The following UHRF2 variants were observed in gnomAD, a reference collection of about 807,000 sequenced individuals.
UHRF2 encodes the protein ubiquitin like with PHD and ring finger domains 2.
Under a neutral mutation model 96.8 loss-of-function variants are expected in UHRF2, and 23 were observed. That is an observed-to-expected ratio of 0.24 (90% CI 0.17 to 0.34). UHRF2 has a LOEUF of 0.34. UHRF2 is among the 10% of genes least tolerant of loss of function. The pLI is 1.00. For missense variants in UHRF2, 685 were observed against 981.5 expected (o/e 0.70, Z 4.04); for synonymous variants, 385 against 332.6 (o/e 1.16, Z -1.72).
At chr9:6,419,256 T>G (rs1396948608) in intron 1 of UHRF2, among the ~76,000 whole-genome samples, 3 of 152,212 alleles carry the variant, frequency 2.0e-5, no homozygotes, top group Non-Finnish European at 1.5e-5. Flanking sequence ...TAAAAGACTG[T>G]TTCCAAATAA....
At chr9:6,473,532 C>T (rs959614601) in intron 4 of UHRF2, among the ~76,000 whole-genome samples, 2 of 151,958 alleles carry the variant, frequency 1.3e-5, no homozygotes, top group Non-Finnish European at 2.9e-5. Context: ...TAGTAGCTGC[C>T]GTCAGGAGAG....
chr9:6,464,268 C>CT (rs890709525), intron 4 of UHRF2, among the ~76,000 whole-genome samples: 4 of 152,082 alleles, frequency 2.6e-5, no homozygotes, highest in African/African-American at 9.7e-5. Context: ...AATTTGGTGA[C>CT]TTTTTTTGTT....
intron 14 of UHRF2, 156 bp from the exon 15 acceptor site, chr9:6,504,437 C>A: frequency 1.9e-6 from 1 of 521,700 alleles, no homozygotes; most frequent in Non-Finnish European, 3.4e-6. Flanking sequence ...TATAATAAAT[C>A]AGGGTAATTG....
In UHRF2 at chr9:6,506,725, T is replaced by G. The variant is rs1348212922; in HGVS notation, c.*546T>G. 6.5e-6 allele frequency: 1 copy of G among 152,778 alleles called. No homozygotes were observed. The highest frequency in any genetic ancestry group is 1.5e-5 in the Non-Finnish European group (1 of 68,154). 9.5% of individuals were successfully genotyped at this position (152,778 alleles called of 1,614,324 possible). A position where few individuals can be genotyped will look rare whatever the true frequency, so the allele number is the denominator to read the frequency against. ...TTTTTAGCCCACTTTGTGAACTCCA[T>G]TGTGCTTTTTTCTGGTGTTTTATGC... On this transcript the variant is annotated 3_prime_UTR_variant, in exon 16 of 16. Coordinates refer to ENST00000276893, the MANE Select transcript of UHRF2 (RefSeq NM_152896.3).
At chr9:6,441,243 G>A (rs558237727) in intron 3 of UHRF2, among the ~76,000 whole-genome samples, 2 of 152,162 alleles carry the variant, frequency 1.3e-5, no homozygotes, top group South Asian at 2.1e-4. Flanking sequence ...CTATGGTGGT[G>A]TGCACCTGTA....
At chr9:6,453,830 A>G (rs554922377) in intron 3 of UHRF2, among the ~76,000 whole-genome samples, 14 of 152,142 alleles carry the variant, frequency 9.2e-5, no homozygotes, top group Non-Finnish European at 2.1e-4. Flanking sequence ...GCTTGGACCC[A>G]GGAGGCGGAG....
At chr9:6,428,722 A>C (rs1053308307) in intron 2 of UHRF2, among the ~76,000 whole-genome samples, 1 of 151,344 alleles carries the variant, frequency 6.6e-6, no homozygotes, top group African/African-American at 2.4e-5. Flanking sequence ...GCTAATTTTC[A>C]ATTTTTCGTA....
chr9:6,418,892 G>T (rs1352806666), intron 1 of UHRF2, among the ~76,000 whole-genome samples: 1 of 152,186 alleles, frequency 6.6e-6, no homozygotes, highest in African/African-American at 2.4e-5. Context: ...GCCGTCCTCT[G>T]ATAGCTCTAG....
intron 3 of UHRF2, among the ~76,000 whole-genome samples, chr9:6,451,043 T>A (rs1444417769): frequency 6.6e-6 from 1 of 152,204 alleles, no homozygotes; most frequent in Non-Finnish European, 1.5e-5. Flanking sequence ...TTAACCTCTG[T>A]GGTTTTATGT....
intron 1 of UHRF2, among the ~76,000 whole-genome samples, chr9:6,416,535 CTTTTTTTTTTTTTT>C (rs60522189): frequency 4.6e-5 from 3 of 64,970 alleles, no homozygotes; most frequent in African/African-American, 1.2e-4. Flanking sequence ...ATCTCTAAAT[CTTTTTTTTTTTTTT>C]TTTTTTTTTT....
chr9:6,476,889 G>A (rs925042389), intron 5 of UHRF2, among the ~76,000 whole-genome samples: 1 of 151,970 alleles, frequency 6.6e-6, no homozygotes, highest in Non-Finnish European at 1.5e-5. Flanking sequence ...CACCACGCCC[G>A]GCCTCAGGCA....
At chr9:6,437,979 C>G (rs1324265057) in intron 3 of UHRF2, among the ~76,000 whole-genome samples, 1 of 152,174 alleles carries the variant, frequency 6.6e-6, no homozygotes, top group Non-Finnish European at 1.5e-5. Flanking sequence ...ACTGGCTATT[C>G]CCTACTAGGA....
intron 6 of UHRF2, 46 bp downstream of exon 6, chr9:6,477,854 A>G (rs754682951): frequency 2.0e-6 from 3 of 1,483,172 alleles, no homozygotes; most frequent in Admixed American, 4.1e-5. Flanking sequence ...CTGTGTAAAC[A>G]TGAAATATGT....
At chr9:6,503,295 C>G (rs1282557180) in intron 14 of UHRF2, among the ~76,000 whole-genome samples, 3 of 152,074 alleles carry the variant, frequency 2.0e-5, no homozygotes, top group African/African-American at 7.2e-5. Flanking sequence ...CATGCTTGGC[C>G]TTAACTTTTT....
At chr9:6,460,519 A>G in intron 3 of UHRF2, 54 bp from the exon 4 acceptor site, 1 of 1,471,440 alleles carries the variant, frequency 6.8e-7, no homozygotes. Flanking sequence ...TACATTGCAT[A>G]AAACTTTAGT....
chr9:6,420,117 C>T (rs1159496387), intron 1 of UHRF2, among the ~76,000 whole-genome samples: 7 of 151,308 alleles, frequency 4.6e-5, no homozygotes, highest in South Asian at 2.1e-4. Flanking sequence ...AGTGCAGTGG[C>T]GCAATTTCAG....
chr9:6,427,728 C>G (rs928296051), intron 2 of UHRF2, among the ~76,000 whole-genome samples: 22 of 152,218 alleles, frequency 1.4e-4, no homozygotes, highest in African/African-American at 5.1e-4. Context: ...TGCTCAATAT[C>G]ATTATTTTGC....
chr9:6,475,473 C>G lies in UHRF2; in HGVS notation c.946C>G (p.Leu316Val), dbSNP rs543287412. The G allele has an allele frequency of 6.3e-7, 1 of 1,595,136 alleles. No homozygotes were observed. Residue 316 changes from leucine (L) to valine (V), a missense_variant, in exon 5 of 16, where the codon CTT becomes GTT. Around this residue, in one of 6 missense-constraint regions of UHRF2, gnomAD observed 391 missense variants for 437.0 expected, o/e 0.89. Coordinates refer to ENST00000276893, the MANE Select transcript of UHRF2 (RefSeq NM_152896.3). ...FKIERPGAHPLSFADGKFLRR... is the reference protein window; with the variant it reads ...FKIERPGAHPVSFADGKFLRR... Reference sequence around the variant, plus strand: ...GATTGAGAGACCTGGAGCCCATCCCCTTTCATTTGCAGATGGAAAGTTTTT... The same window carrying G: ...GATTGAGAGACCTGGAGCCCATCCCGTTTCATTTGCAGATGGAAAGTTTTT...
intron 3 of UHRF2, among the ~76,000 whole-genome samples, chr9:6,453,790 A>C (rs1822009977): frequency 6.6e-6 from 1 of 152,172 alleles, no homozygotes; most frequent in African/African-American, 2.4e-5. Context: ...TTGTAGTCCC[A>C]GCTACTTGGG....
Sources: gnomAD v4.1 joint callset for allele counts (sites outside exome capture counted in the v4.1 genomes callset) on GRCh38, gnomAD v4.1.1 for gene constraint, gnomAD v4.1.1 regional missense constraint, MANE v1.5 for transcripts, NCBI Gene and HGNC (gene_info 2026-07-23, HGNC 2026-07-21) for gene names.